The following CLOCK variants were observed in gnomAD, a reference collection of about 807,000 sequenced individuals.
The protein encoded by CLOCK is clock circadian regulator, also known as circadian locomoter output cycles protein kaput.
CLOCK carries 43 observed loss-of-function variants against 118.4 expected under a neutral mutation model. That is an observed-to-expected ratio of 0.36 (90% CI 0.28 to 0.47). The LOEUF is 0.47. Among genes scored for constraint, CLOCK ranks in the 20% least tolerant of loss-of-function variants. CLOCK has a pLI of 1.00. For synonymous variants in CLOCK, 326 were observed against 339.2 expected, an observed-to-expected ratio of 0.96 and a Z score of 0.43; for missense variants, 846 against 999.9, an observed-to-expected ratio of 0.85 and a Z score of 2.08.
intron 1 of CLOCK, among the ~76,000 whole-genome samples, chr4:55,539,786 T>C (rs1731142965): frequency 6.6e-6 from 1 of 152,052 alleles, no homozygotes; most frequent in African/African-American, 2.4e-5. Flanking sequence ...GTTACATACC[T>C]ACTAAAAATA....
chr4:55,496,452 T>G (rs1053887521), intron 2 of CLOCK, among the ~76,000 whole-genome samples: 3 of 152,204 alleles, frequency 2.0e-5, no homozygotes, highest in Non-Finnish European at 4.4e-5. Context: ...CTTTTTCATG[T>G]TTCTCTAAAC....
At chr4:55,487,778 C>T (rs1212153627) in intron 3 of CLOCK, among the ~76,000 whole-genome samples, 1 of 152,188 alleles carries the variant, frequency 6.6e-6, no homozygotes, top group Non-Finnish European at 1.5e-5. Flanking sequence ...AGAGGTTCTA[C>T]AGTGCCAAGA....
chr4:55,508,967 G>T (rs1268369718), intron 2 of CLOCK, among the ~76,000 whole-genome samples: 1 of 152,162 alleles, frequency 6.6e-6, no homozygotes, highest in Non-Finnish European at 1.5e-5. Context: ...TACCTAGATG[G>T]TATAGCCTAC....
At chr4:55,458,427 C>T (rs1263814176) in intron 11 of CLOCK, among the ~76,000 whole-genome samples, 8 of 152,204 alleles carry the variant, frequency 5.3e-5, no homozygotes, top group African/African-American at 1.7e-4. Flanking sequence ...TTAACTCTTT[C>T]ACTTTCCCAC....
At chr4:55,464,301 T>A (rs552931499) in intron 8 of CLOCK, among the ~76,000 whole-genome samples, 63 of 152,320 alleles carry the variant, frequency 4.1e-4, no homozygotes, top group African/African-American at 1.5e-3. Flanking sequence ...TTGTGTTTAG[T>A]TATCCCCCCT....
intron 13 of CLOCK, among the ~76,000 whole-genome samples, chr4:55,454,877 C>T (rs1724807784): frequency 6.7e-6 from 1 of 149,702 alleles, no homozygotes; most frequent in African/African-American, 2.5e-5. Flanking sequence ...GCCGCCACCG[C>T]CTCTCACTCT....
At chr4:55,449,608 A>C in intron 16 of CLOCK, 112 bp from the exon 17 acceptor site, 1 of 914,958 alleles carries the variant, frequency 1.1e-6, no homozygotes, top group South Asian at 1.4e-5. Context: ...TATTTTTCCA[A>C]ACCATTCAAT....
At chr4:55,516,982 A>T (rs1729555462) in intron 1 of CLOCK, among the ~76,000 whole-genome samples, 1 of 151,934 alleles carries the variant, frequency 6.6e-6, no homozygotes. Flanking sequence ...CCTCCCTCCT[A>T]TCCTTTGTAT....
chr4:55,497,533 G>C (rs1728158106), intron 2 of CLOCK, among the ~76,000 whole-genome samples: 1 of 152,126 alleles, frequency 6.6e-6, no homozygotes, highest in Admixed American at 6.5e-5. Context: ...AATATTTTTT[G>C]AGGGGAAAGG....
intron 7 of CLOCK, among the ~76,000 whole-genome samples, chr4:55,473,636 A>G (rs1031185514): frequency 1.3e-5 from 2 of 152,092 alleles, no homozygotes; most frequent in Non-Finnish European, 2.9e-5. Flanking sequence ...GCTTTATTGA[A>G]CTTCAGTTAC....
intron 21 of CLOCK, among the ~76,000 whole-genome samples, chr4:55,439,988 T>C (rs922211902): frequency 6.6e-6 from 1 of 152,186 alleles, no homozygotes; most frequent in Non-Finnish European, 1.5e-5. Flanking sequence ...ATGGTAACTT[T>C]TATGTCATTT....
intron 1 of CLOCK, among the ~76,000 whole-genome samples, chr4:55,537,211 G>A (rs1730961197): frequency 6.6e-6 from 1 of 152,148 alleles, no homozygotes; most frequent in Admixed American, 6.5e-5. Flanking sequence ...GGCCAGGAGT[G>A]GAGGCTCACA....
intron 1 of CLOCK, among the ~76,000 whole-genome samples, chr4:55,526,156 C>T (rs2110075314): frequency 6.6e-6 from 1 of 152,262 alleles, no homozygotes; most frequent in East Asian, 1.9e-4. Flanking sequence ...AGATATTCAA[C>T]CTGTAACAGG....
At chr4:55,524,242 C>CA (rs1383958317) in intron 1 of CLOCK, among the ~76,000 whole-genome samples, 4 of 150,580 alleles carry the variant, frequency 2.7e-5, no homozygotes, top group African/African-American at 7.4e-5. Flanking sequence ...TACACACACA[C>CA]ACAAAAAAAA....
At chr4:55,456,034 A>G in intron 12 of CLOCK, 31 bp from the exon 13 acceptor site, 1 of 1,544,408 alleles carries the variant, frequency 6.5e-7, no homozygotes, top group Non-Finnish European at 8.9e-7. Context: ...TCATTATTAT[A>G]AGTTTTTCCA....
chr4:55,522,847 G>A (rs977631895), intron 1 of CLOCK, among the ~76,000 whole-genome samples: 2 of 152,010 alleles, frequency 1.3e-5, no homozygotes, highest in African/African-American at 2.4e-5. Flanking sequence ...CTAACTCTAA[G>A]CTTGAAAGCA....
intron 1 of CLOCK, among the ~76,000 whole-genome samples, chr4:55,522,278 A>T (rs1729892366): frequency 6.6e-6 from 1 of 152,184 alleles, no homozygotes; most frequent in Non-Finnish European, 1.5e-5. Flanking sequence ...AAAGAAAAAA[A>T]ATAATATATT....
Position 55,470,786 on chromosome 4 carries a change from TA to T in CLOCK, c.368del (p.Leu123Ter), listed in dbSNP as rs369752219. ...TTATGCTTCCATCTGTCATGATTGC[TA>T]AAAAAAAACCATCAAGAGCCTGAAA... ...LMLEALDGFF[L>X]AIMTDGSIIY... On this transcript the variant is annotated frameshift_variant, in exon 8 of 23. Transcript: ENST00000513440. LOFTEE classifies it high-confidence loss of function. The T allele has an allele frequency of 7.2e-5, 114 of 1,590,084 alleles. No homozygotes were observed. The highest frequency in any genetic ancestry group is 1.2e-4 in the South Asian group (11 of 89,064).
rs1722318305 is a variant in CLOCK at position 55,428,262 on chromosome 4, A to G, written c.*7153T>C. The G allele has an allele frequency of 6.6e-6, 1 of 152,204 alleles. No homozygotes were observed. The highest frequency in any genetic ancestry group is 2.4e-5 in the African/African-American group (1 of 41,448). The allele number at this position is 152,204 out of a possible 1,614,324, so 9.4% of individuals were successfully genotyped here. ...GAGGCCTGAGTGGAGGTAGGCTAAC[A>G]ACACATTTTGACTTTCTCCTCAAAG... On this transcript the variant is annotated 3_prime_UTR_variant, in exon 23 of 23. Coordinates refer to ENST00000513440, the MANE Select transcript of CLOCK (RefSeq NM_004898.4).
Sources: gnomAD v4.1 joint callset for allele counts (sites outside exome capture counted in the v4.1 genomes callset) on GRCh38, gnomAD v4.1.1 for gene constraint, MANE v1.5 for transcripts, NCBI Gene and HGNC (gene_info 2026-07-23, HGNC 2026-07-21) for gene names.